Variants in CNTNAP2 observed in about 807,000 individuals in gnomAD.
CNTNAP2 encodes the protein contactin-associated protein-like 2.
CNTNAP2 carries 98 observed loss-of-function variants against 155.2 expected under a neutral mutation model. That is an observed-to-expected ratio of 0.63 (90% CI 0.54 to 0.75). CNTNAP2 has a LOEUF of 0.75. CNTNAP2 is among the 30% of genes least tolerant of loss of function. The probability of loss-of-function intolerance (pLI) is 0.00; values close to 1 mark genes in which losing one functional copy is unlikely to be tolerated. For synonymous variants in CNTNAP2, 651 were observed against 631.2 expected (o/e 1.03, Z -0.47); for missense variants, 1,727 against 1,688.1 (o/e 1.02, Z -0.40).
chr7:147,644,269 A>C, intron 13 of CNTNAP2, among the ~76,000 whole-genome samples: 1 of 152,130 alleles, frequency 6.6e-6, no homozygotes, highest in East Asian at 1.9e-4. Flanking sequence ...TATTACCTTA[A>C]CTTATGAAGG....
intron 21 of CNTNAP2, among the ~76,000 whole-genome samples, chr7:148,287,015 C>T (rs1797096158): frequency 6.6e-6 from 1 of 152,186 alleles, no homozygotes; most frequent in South Asian, 2.1e-4. Context: ...TCCACCATTA[C>T]AGTATCATAG....
chr7:146,853,893 T>A (rs2129203648), intron 3 of CNTNAP2, among the ~76,000 whole-genome samples: 1 of 152,322 alleles, frequency 6.6e-6, no homozygotes, highest in South Asian at 2.1e-4. Flanking sequence ...TTACAATTTA[T>A]AAACAATAAT....
chr7:147,880,854 GGTGTGTGTGTGTGTGT>G lies in CNTNAP2; in HGVS notation c.2099-22686_2099-22671del, dbSNP rs71183032. ...CATTTTCATGTGATGATTGGAGTTGGGTGTGTGTGTGTGTGTGTGTGTGTGTGTGTGTGTGTGTGTT... is the reference window on the plus strand; with the variant it reads ...CATTTTCATGTGATGATTGGAGTTGGGTGTGTGTGTGTGTGTGTGTGTGTT... On this transcript the variant is annotated intron_variant, in intron 13 of 23. Transcript: ENST00000361727. 2.1e-3 allele frequency among the ~76,000 whole-genome samples: 303 copies of G among 143,176 alleles called. 3 individuals are homozygous for G. The South Asian group carries it at 0.032, about 15-fold the overall frequency. The allele number at this position is 143,176 out of a possible 152,430, so 93.9% of individuals were successfully genotyped here.
chr7:147,853,352 G>C (rs1798983517), intron 13 of CNTNAP2, among the ~76,000 whole-genome samples: 1 of 152,160 alleles, frequency 6.6e-6, no homozygotes. Flanking sequence ...GTCTTAAACG[G>C]CCTGATTTAA....
intron 8 of CNTNAP2, among the ~76,000 whole-genome samples, chr7:147,288,342 C>G (rs552222664): frequency 6.6e-6 from 1 of 152,146 alleles, no homozygotes; most frequent in African/African-American, 2.4e-5. Context: ...CTCTTATACC[C>G]CTGGCACCTC....
intron 2 of CNTNAP2, among the ~76,000 whole-genome samples, chr7:146,783,814 G>T (rs1802530020): frequency 6.6e-6 from 1 of 152,184 alleles, no homozygotes. Context: ...GACAGATCTT[G>T]TGCTCTGGGA....
intron 10 of CNTNAP2, among the ~76,000 whole-genome samples, chr7:147,427,373 T>C (rs1284687760): frequency 6.6e-6 from 1 of 152,138 alleles, no homozygotes; most frequent in Non-Finnish European, 1.5e-5. Flanking sequence ...GGAATGGCTT[T>C]ATTGAATATG....
At chr7:147,942,045 T>G (rs1585040589) in intron 14 of CNTNAP2, among the ~76,000 whole-genome samples, 1 of 152,176 alleles carries the variant, frequency 6.6e-6, no homozygotes, top group Non-Finnish European at 1.5e-5. Flanking sequence ...CACGTTTATT[T>G]TATGTGGCAT....
In CNTNAP2 at chr7:147,346,147, TA is replaced by T. The variant is rs1464029263; in HGVS notation, c.1498+45858del. Among the ~76,000 whole-genome samples, 309 of 36,636 alleles carry T rather than the reference TA, an allele frequency of 8.4e-3. 3 individuals are homozygous for T. Among genetic ancestry groups the T allele is most frequent in the African/African-American group, 0.024 (113 of 4,628 alleles). The allele number at this position is 36,636 out of a possible 152,430, so 24.0% of individuals were successfully genotyped here. On this transcript the variant is annotated intron_variant, in intron 9 of 23. Transcript: ENST00000361727. ...TCGAAGATTTTATTTTATTTTATTTTATTTTATTTTTTTTTTTTGAGACAGA... is the reference window on the plus strand; with the variant it reads ...TCGAAGATTTTATTTTATTTTATTTTTTTTATTTTTTTTTTTTGAGACAGA...
At chr7:146,955,510 A>G (rs965853100) in intron 3 of CNTNAP2, among the ~76,000 whole-genome samples, 4 of 152,002 alleles carry the variant, frequency 2.6e-5, no homozygotes, top group Non-Finnish European at 5.9e-5. Flanking sequence ...AGCTCCTTGC[A>G]CCACAGTGAC....
At chr7:147,998,647 G>T (rs1007600473) in intron 15 of CNTNAP2, among the ~76,000 whole-genome samples, 2 of 152,204 alleles carry the variant, frequency 1.3e-5, no homozygotes, top group Admixed American at 1.3e-4. Flanking sequence ...GCTTGAGCTG[G>T]AGAATATTAG....
At chr7:147,156,884 C>A (rs1452158965) in intron 8 of CNTNAP2, among the ~76,000 whole-genome samples, 1 of 152,070 alleles carries the variant, frequency 6.6e-6, no homozygotes, top group Non-Finnish European at 1.5e-5. Context: ...AAGCATATGT[C>A]ACCTTTGATA....
Position 147,033,160 on chromosome 7 carries a change from G to GTATATA in CNTNAP2, c.403-10709_403-10704dup, listed in dbSNP as rs3081742. Among the ~76,000 whole-genome samples the GTATATA allele has an allele frequency of 2.5e-3, 230 of 90,762 alleles. 4 individuals are homozygous for GTATATA. Among genetic ancestry groups the GTATATA allele is most frequent in the Non-Finnish European group, 3.3e-3 (151 of 45,868 alleles). 59.5% of individuals were successfully genotyped at this position (90,762 alleles called of 152,430 possible). ...AGGATATTGCTGCATATATATATAT[G>GTATATA]TATATATATATATATATATATATAT... On this transcript the variant is annotated intron_variant, in intron 3 of 23. Coordinates refer to ENST00000361727, the MANE Select transcript of CNTNAP2 (RefSeq NM_014141.6).
intron 15 of CNTNAP2, among the ~76,000 whole-genome samples, chr7:148,045,273 TG>T (rs1802755417): frequency 1.3e-5 from 2 of 149,604 alleles, no homozygotes; most frequent in African/African-American, 4.9e-5. Context: ...AAGACTTTGT[TG>T]GGGTCTCAGG....
chr7:146,831,133 A>G (rs1803502122), intron 2 of CNTNAP2, among the ~76,000 whole-genome samples: 1 of 152,142 alleles, frequency 6.6e-6, no homozygotes, highest in South Asian at 2.1e-4. Context: ...CTCCTCTATC[A>G]CCAGACCCCA....
At chr7:147,272,210 T>C (rs922758935) in intron 8 of CNTNAP2, among the ~76,000 whole-genome samples, 1 of 152,058 alleles carries the variant, frequency 6.6e-6, no homozygotes, top group Non-Finnish European at 1.5e-5. Flanking sequence ...TGAAATTAGA[T>C]TGCTCATCCT....
At chr7:146,663,566 T>C (rs1010614269) in intron 1 of CNTNAP2, among the ~76,000 whole-genome samples, 3 of 152,164 alleles carry the variant, frequency 2.0e-5, no homozygotes, top group African/African-American at 7.2e-5. Context: ...ATCTCTTTTA[T>C]GTTTTGCATT....
At chr7:147,450,264 T>C (rs148682453) in intron 10 of CNTNAP2, among the ~76,000 whole-genome samples, 54 of 152,356 alleles carry the variant, frequency 3.5e-4, no homozygotes, top group Admixed American at 1.1e-3. Context: ...GAGATATCCA[T>C]GTGAGATGCA....
At chr7:147,937,263 C>T (rs1800628446) in intron 14 of CNTNAP2, among the ~76,000 whole-genome samples, 2 of 152,210 alleles carry the variant, frequency 1.3e-5, no homozygotes, top group Non-Finnish European at 2.9e-5. Flanking sequence ...TAAGTTTGAC[C>T]AACAAATTTC....
Sources: allele counts gnomAD v4.1 joint callset (sites outside exome capture counted in the v4.1 genomes callset), GRCh38; gene constraint gnomAD v4.1.1; transcripts MANE v1.5; gene names NCBI Gene and HGNC (gene_info 2026-07-23, HGNC 2026-07-21).